The following TMEM178B variants were observed in gnomAD, a reference collection of about 807,000 sequenced individuals.
TMEM178B encodes transmembrane protein 178B.
TMEM178B carries 5 observed loss-of-function variants against 31.0 expected under a neutral mutation model. The ratio of observed to expected loss-of-function variants is 0.16; its 90% CI spans 0.08 to 0.34. The LOEUF is 0.34. Ranked by LOEUF, TMEM178B falls within the 10% of genes least tolerant of loss-of-function variation. TMEM178B has a pLI of 1.00. For missense variants in TMEM178B, 275 were observed against 400.3 expected (o/e 0.69, Z 2.67); for synonymous variants, 164 against 164.0 (o/e 1.00, Z 0.00).
In TMEM178B at chr7:141,474,419, A is replaced by G. The variant is rs1802319764; in HGVS notation, c.*3633A>G. 6.6e-6 allele frequency: 1 copy of G among 152,164 alleles called. No homozygotes were observed. Among genetic ancestry groups the G allele is most frequent in the African/African-American group, 2.4e-5 (1 of 41,438 alleles). 9.4% of individuals were successfully genotyped at this position (152,164 alleles called of 1,614,324 possible). A position where few individuals can be genotyped will look rare whatever the true frequency, so the allele number is the denominator to read the frequency against. ...CTTGTTCATTGTGGCTGTAGGTTTT[A>G]TAAGGAGGTCTGTGGCTCCCTGGCA... On this transcript the variant is annotated 3_prime_UTR_variant, in exon 4 of 4. Coordinates refer to ENST00000565468, the MANE Select transcript of TMEM178B (RefSeq NM_001195278.2).
In TMEM178B at chr7:141,203,567, C is replaced by A. The variant is rs542719226; in HGVS notation, c.383-9024C>A. On this transcript the variant is annotated intron_variant, in intron 1 of 3. Transcript: ENST00000565468. ...AAGGCACTGTGGCTGCAAAAATAACCCTTGTTCCCAGCAAATCTTCCACCC... is the reference window on the plus strand; with the variant it reads ...AAGGCACTGTGGCTGCAAAAATAACACTTGTTCCCAGCAAATCTTCCACCC... 6.6e-5 allele frequency among the ~76,000 whole-genome samples: 10 copies of A among 152,330 alleles called. No homozygotes were observed. In the South Asian group the frequency reaches 1.9e-3, roughly 28 times the overall value.
intron 1 of TMEM178B, among the ~76,000 whole-genome samples, chr7:141,122,911 C>T (rs1254085501): frequency 4.6e-5 from 7 of 152,092 alleles, no homozygotes; most frequent in African/African-American, 1.7e-4. Context: ...CACTTGCAGG[C>T]GGATCAAGGC....
At chr7:141,299,149 C>T (rs1289482455) in intron 2 of TMEM178B, among the ~76,000 whole-genome samples, 1 of 152,024 alleles carries the variant, frequency 6.6e-6, no homozygotes, top group Non-Finnish European at 1.5e-5. Context: ...TTATCCTCTG[C>T]CTCTTTCTTC....
At chr7:141,418,237 C>T (rs1801136044) in intron 2 of TMEM178B, among the ~76,000 whole-genome samples, 1 of 152,204 alleles carries the variant, frequency 6.6e-6, no homozygotes, top group Admixed American at 6.5e-5. Flanking sequence ...CTCCTCTTCT[C>T]TCCAGCCAGG....
chr7:141,149,526 TAAC>T lies in TMEM178B; in HGVS notation c.383-63054_383-63052del, dbSNP rs201306916. Among the ~76,000 whole-genome samples the T allele has an allele frequency of 5.8e-3, 887 of 152,166 alleles. 13 individuals are homozygous for T. The highest frequency in any genetic ancestry group is 0.02 in the African/African-American group (829 of 41,510). On this transcript the variant is annotated intron_variant, in intron 1 of 3. Transcript: ENST00000565468. ...TCGTGCCACTGCACTCCAGCCTGGG[TAAC>T]AACAACAACAGCAACAACAACAACA...
intron 1 of TMEM178B, among the ~76,000 whole-genome samples, chr7:141,196,282 T>C (rs537623889): frequency 6.6e-6 from 1 of 152,310 alleles, no homozygotes; most frequent in African/African-American, 2.4e-5. Context: ...TTTTCACTCT[T>C]TTTTGCAAGC....
intron 1 of TMEM178B, among the ~76,000 whole-genome samples, chr7:141,150,856 G>A (rs1029537587): frequency 1.3e-5 from 2 of 152,180 alleles, no homozygotes; most frequent in African/African-American, 4.8e-5. Flanking sequence ...TACACTTGGT[G>A]TAGACCTTGT....
chr7:141,408,914 G>T (rs1586941220), intron 2 of TMEM178B, among the ~76,000 whole-genome samples: 1 of 152,192 alleles, frequency 6.6e-6, no homozygotes, highest in South Asian at 2.1e-4. Flanking sequence ...GAGCCTCCAT[G>T]AGTTGGGGAA....
At chr7:141,492,412 T>C in the TMEM178B span, among the ~76,000 whole-genome samples, 1 of 152,248 alleles carries the variant, frequency 6.6e-6, no homozygotes, top group African/African-American at 2.4e-5. Context: ...CATTTGTTTT[T>C]GTCAGCCTTT....
intron 1 of TMEM178B, among the ~76,000 whole-genome samples, chr7:141,180,419 C>T (rs562646617): frequency 1.4e-5 from 2 of 144,994 alleles, no homozygotes; most frequent in South Asian, 4.5e-4. Flanking sequence ...GAGATCGCAC[C>T]ACTGCGATCT....
chr7:141,390,329 C>T (rs1246848907), intron 2 of TMEM178B, among the ~76,000 whole-genome samples: 2 of 152,216 alleles, frequency 1.3e-5, no homozygotes, highest in African/African-American at 2.4e-5. Context: ...AAGCCCCAGG[C>T]CTACACTCTT....
intron 1 of TMEM178B, among the ~76,000 whole-genome samples, chr7:141,189,141 A>G (rs1439437225): frequency 2.6e-5 from 4 of 152,280 alleles, no homozygotes; most frequent in South Asian, 4.1e-4. Context: ...CTGTTTGAAT[A>G]TAACCCAGAA....
intron 2 of TMEM178B, among the ~76,000 whole-genome samples, chr7:141,388,292 TAGTC>T (rs760541152): frequency 6.6e-6 from 1 of 152,128 alleles, no homozygotes; most frequent in Non-Finnish European, 1.5e-5. Context: ...ATGTCACTAA[TAGTC>T]AGGCTTCGAA....
chr7:141,087,549 A>G (rs1794808817), intron 1 of TMEM178B, among the ~76,000 whole-genome samples: 1 of 152,252 alleles, frequency 6.6e-6, no homozygotes, highest in Non-Finnish European at 1.5e-5. Flanking sequence ...AGGGTGTGAG[A>G]CAAACCCAGA....
intron 1 of TMEM178B, among the ~76,000 whole-genome samples, chr7:141,199,372 G>C (rs1414389928): frequency 6.6e-6 from 1 of 152,186 alleles, no homozygotes; most frequent in East Asian, 1.9e-4. Flanking sequence ...TTAAGAAAAA[G>C]AGTCTCTTGA....
the TMEM178B span, among the ~76,000 whole-genome samples, chr7:141,500,907 G>A: frequency 0.014 from 2,080 of 152,214 alleles, 45 homozygotes; most frequent in African/African-American, 0.047. Flanking sequence ...TAATAAGCTC[G>A]ATTGGAAATT....
At chr7:141,289,542 C>A (rs1346849287) in intron 2 of TMEM178B, among the ~76,000 whole-genome samples, 1 of 151,724 alleles carries the variant, frequency 6.6e-6, no homozygotes, top group African/African-American at 2.4e-5. Context: ...ATGGCAAAAC[C>A]CTGTCTCTAC....
intron 1 of TMEM178B, among the ~76,000 whole-genome samples, chr7:141,126,920 A>G (rs1391362410): frequency 6.6e-6 from 1 of 151,768 alleles, no homozygotes; most frequent in Non-Finnish European, 1.5e-5. Flanking sequence ...GGCAGCTGAT[A>G]TTTATGGTGA....
At chr7:141,199,353 G>A (rs1796838388) in intron 1 of TMEM178B, among the ~76,000 whole-genome samples, 2 of 152,244 alleles carry the variant, frequency 1.3e-5, no homozygotes, top group East Asian at 3.9e-4. Flanking sequence ...AACCTAGTAG[G>A]TACTTTAGTT....
Sources: gnomAD v4.1 joint callset for allele counts (sites outside exome capture counted in the v4.1 genomes callset) on GRCh38, gnomAD v4.1.1 for gene constraint, MANE v1.5 for transcripts, NCBI Gene and HGNC (gene_info 2026-07-23, HGNC 2026-07-21) for gene names.